Variants in ST8SIA6 observed in about 807,000 individuals in gnomAD.
ST8SIA6 encodes ST8 alpha-N-acetyl-neuraminide alpha-2,8-sialyltransferase 6.
In ST8SIA6, 39 loss-of-function variants were observed where a neutral mutation model predicts 33.6. The ratio of observed to expected loss-of-function variants is 1.16; its 90% CI spans 0.90 to 1.52. ST8SIA6 has a LOEUF of 1.52. Ranked by LOEUF, ST8SIA6 falls within the 40% of genes most tolerant of loss-of-function variation. ST8SIA6 has a pLI of 0.00. For synonymous variants in ST8SIA6, 172 were observed against 167.2 expected (o/e 1.03, Z -0.22); for missense variants, 441 against 443.8 (o/e 0.99, Z 0.06).
At chr10:17,353,691 G>A (rs552161159) in intron 4 of ST8SIA6, among the ~76,000 whole-genome samples, 116 of 152,290 alleles carry the variant, frequency 7.6e-4, no homozygotes, top group African/African-American at 2.6e-3. Context: ...AATCAGGCAC[G>A]AAATACCTGT....
At chr10:17,327,567 C>T (rs1214600899) in intron 5 of ST8SIA6, among the ~76,000 whole-genome samples, 1 of 152,012 alleles carries the variant, frequency 6.6e-6, no homozygotes, top group Non-Finnish European at 1.5e-5. Flanking sequence ...GCCTGGGCAA[C>T]AGAATGAGAC....
chr10:17,339,888 C>G (rs1848619415), intron 4 of ST8SIA6, among the ~76,000 whole-genome samples: 2 of 152,166 alleles, frequency 1.3e-5, no homozygotes, highest in African/African-American at 4.8e-5. Context: ...AAATATTGAG[C>G]TCTATGAGAA....
chr10:17,406,732 TGGTTGAGTAGATCCA>T (rs1360383229), intron 2 of ST8SIA6, among the ~76,000 whole-genome samples: 2 of 151,966 alleles, frequency 1.3e-5, no homozygotes, highest in Non-Finnish European at 2.9e-5. Flanking sequence ...ATGCAGATTC[TGGTTGAGTAGATCCA>T]GGGTAGGCCC....
At chr10:17,398,975 A>G (rs576068109) in intron 2 of ST8SIA6, 6 of 152,326 alleles carry the variant, frequency 3.9e-5, no homozygotes, top group African/African-American at 1.4e-4. Flanking sequence ...TGAGGGAGAA[A>G]GGCAAGCATC....
At chr10:17,393,216 GC>G (rs1850683768) in intron 2 of ST8SIA6, among the ~76,000 whole-genome samples, 1 of 152,204 alleles carries the variant, frequency 6.6e-6, no homozygotes, top group Non-Finnish European at 1.5e-5. Context: ...AGTCTCCTCA[GC>G]CTTTGGGCTT....
intron 4 of ST8SIA6, among the ~76,000 whole-genome samples, chr10:17,349,359 A>G (rs1237144340): frequency 6.6e-6 from 1 of 152,234 alleles, no homozygotes; most frequent in Non-Finnish European, 1.5e-5. Flanking sequence ...TATTTATTGC[A>G]GATACCAAGA....
chr10:17,321,055 C>A lies in ST8SIA6; in HGVS notation c.1020G>T (p.Leu340=). The A allele has an allele frequency of 6.2e-7, 1 of 1,614,076 alleles. No individual in the cohort carries two copies. Among genetic ancestry groups the A allele is most frequent in the Non-Finnish European group, 8.5e-7 (1 of 1,179,980 alleles). The change falls in exon 8 of 8, where the codon CTG becomes CTT. Residue 340 remains leucine, a synonymous_variant. Transcript: ENST00000377602. ...TTTTAGAGAAGGGCCAGAATCCATA[C>A]AGCTTCACATTTTTACACAGTTCCA... ...VAVELCKNVK[L]YGFWPFSKTV...
rs1390031939 is a variant in ST8SIA6, at chr10:17,317,435, G to C, written c.*3443C>G. On this transcript the variant is annotated 3_prime_UTR_variant, in exon 8 of 8. Coordinates refer to ENST00000377602, the MANE Select transcript of ST8SIA6 (RefSeq NM_001004470.3). ...TCAACACTCCTAGCAGCCTCAAGTGGATTTATCAGATCAAGTGCATCAGAT... is the reference window on the plus strand; with the variant it reads ...TCAACACTCCTAGCAGCCTCAAGTGCATTTATCAGATCAAGTGCATCAGAT... Among the ~76,000 whole-genome samples the C allele has an allele frequency of 6.6e-6, 1 of 152,056 alleles. No homozygotes were observed. The highest frequency in any genetic ancestry group is 1.5e-5 in the Non-Finnish European group (1 of 68,008).
chr10:17,397,817 G>C (rs1850872996), intron 2 of ST8SIA6, among the ~76,000 whole-genome samples: 1 of 152,104 alleles, frequency 6.6e-6, no homozygotes, highest in South Asian at 2.1e-4. Flanking sequence ...TATGTTGCGG[G>C]GGGGAAATCT....
At chr10:17,442,069 A>T (rs1334810083) in intron 2 of ST8SIA6, among the ~76,000 whole-genome samples, 1 of 151,952 alleles carries the variant, frequency 6.6e-6, no homozygotes, top group Admixed American at 6.6e-5. Flanking sequence ...GGGTTTCCTC[A>T]TGTTGGCCAG....
At chr10:17,360,420 C>CTTG (rs1449745390) in intron 3 of ST8SIA6, among the ~76,000 whole-genome samples, 1 of 128,036 alleles carries the variant, frequency 7.8e-6, no homozygotes, top group Non-Finnish European at 1.7e-5. Flanking sequence ...ATTGACAGAA[C>CTTG]ATGATGAGTA....
chr10:17,402,770 G>C (rs1287332229), intron 2 of ST8SIA6, among the ~76,000 whole-genome samples: 1 of 151,836 alleles, frequency 6.6e-6, no homozygotes, highest in African/African-American at 2.4e-5. Context: ...ACCGGGGCTT[G>C]TTGTTGGGGT....
In ST8SIA6 at chr10:17,361,100, A is replaced by G. The variant is rs1175752014; in HGVS notation, c.291-1500T>C. Reference sequence around the variant, plus strand: ...ACAAAGTTAGAAGGGCTATATTCATAGTGTATTTCTGAGCAAGGAATATTA... The same window carrying G: ...ACAAAGTTAGAAGGGCTATATTCATGGTGTATTTCTGAGCAAGGAATATTA... On this transcript the variant is annotated intron_variant, in intron 3 of 7. Coordinates refer to ENST00000377602, the MANE Select transcript of ST8SIA6 (RefSeq NM_001004470.3). Among the ~76,000 whole-genome samples, 3 of 152,128 alleles carry G rather than the reference A, an allele frequency of 2.0e-5. No individual in the cohort carries two copies. The South Asian group carries it at 6.2e-4, about 31-fold the overall frequency.
chr10:17,434,974 G>A (rs1018678102), intron 2 of ST8SIA6, among the ~76,000 whole-genome samples: 5 of 152,078 alleles, frequency 3.3e-5, no homozygotes, highest in African/African-American at 1.2e-4. Flanking sequence ...TCCCAGATTC[G>A]GCAAGGACTC....
At chr10:17,402,298 T>C (rs1243480002) in intron 2 of ST8SIA6, among the ~76,000 whole-genome samples, 1 of 152,162 alleles carries the variant, frequency 6.6e-6, no homozygotes, top group East Asian at 1.9e-4. Context: ...GGAGAGGATG[T>C]GGAGAAATAG....
chr10:17,411,451 G>A (rs896319157), intron 2 of ST8SIA6, among the ~76,000 whole-genome samples: 1 of 152,188 alleles, frequency 6.6e-6, no homozygotes, highest in African/African-American at 2.4e-5. Context: ...CCAAAGTGCT[G>A]GGATTACAGG....
At chr10:17,436,657 A>G (rs1480314373) in intron 2 of ST8SIA6, among the ~76,000 whole-genome samples, 1 of 151,520 alleles carries the variant, frequency 6.6e-6, no homozygotes, top group Non-Finnish European at 1.5e-5. Context: ...TTTGCTGAGA[A>G]TGATGGTTTC....
intron 4 of ST8SIA6, among the ~76,000 whole-genome samples, chr10:17,334,207 C>CA (rs1848428619): frequency 1.3e-5 from 2 of 151,484 alleles, no homozygotes; most frequent in South Asian, 4.2e-4. Context: ...ACACTAAAGA[C>CA]AAAAAATGAG....
chr10:17,364,931 C>T (rs1263897546), intron 3 of ST8SIA6, among the ~76,000 whole-genome samples: 1 of 152,160 alleles, frequency 6.6e-6, no homozygotes, highest in Non-Finnish European at 1.5e-5. Context: ...ACTGAAAGTT[C>T]TGAGAAGATA....
Sources: allele counts gnomAD v4.1 joint callset (sites outside exome capture counted in the v4.1 genomes callset), GRCh38; gene constraint gnomAD v4.1.1; transcripts MANE v1.5; gene names NCBI Gene and HGNC (gene_info 2026-07-23, HGNC 2026-07-21).